KIF26B: variants seen among roughly 807,000 people sequenced by gnomAD.
KIF26B encodes the protein kinesin family member 26B, also known as kinesin-like protein KIF26B.
In KIF26B, 63 loss-of-function variants were observed where a neutral mutation model predicts 151.2. The observed-to-expected ratio is 0.42, with a 90% CI of 0.34 to 0.51. The LOEUF is 0.51. Among genes scored for constraint, KIF26B ranks in the 20% least tolerant of loss-of-function variants. KIF26B has a pLI of 0.07. For synonymous variants in KIF26B, 1,357 were observed against 1,262.1 expected, an observed-to-expected ratio of 1.08 and a Z score of -1.59; for missense variants, 2,813 against 2,913.6, an observed-to-expected ratio of 0.97 and a Z score of 0.79.
At chr1:245,336,418 G>A (rs552479364) in intron 2 of KIF26B, among the ~76,000 whole-genome samples, 2 of 152,350 alleles carry the variant, frequency 1.3e-5, no homozygotes, top group East Asian at 1.9e-4. Context: ...GGGTGCCTCC[G>A]ACTGGCGGCT....
intron 3 of KIF26B, among the ~76,000 whole-genome samples, chr1:245,390,846 G>A (rs1673667371): frequency 7.1e-6 from 1 of 140,828 alleles, no homozygotes; most frequent in Non-Finnish European, 1.5e-5. Context: ...AACCATTTGG[G>A]AGGCTGAGGC....
At chr1:245,256,410 G>A (rs1573736526) in intron 2 of KIF26B, among the ~76,000 whole-genome samples, 1 of 152,194 alleles carries the variant, frequency 6.6e-6, no homozygotes, top group East Asian at 1.9e-4. Flanking sequence ...TCTTCCCTGA[G>A]TCCAACAGCC....
chr1:245,156,895 C>T (rs775042704), intron 2 of KIF26B, among the ~76,000 whole-genome samples: 1 of 152,184 alleles, frequency 6.6e-6, no homozygotes, highest in Non-Finnish European at 1.5e-5. Flanking sequence ...GCAGGAGGAC[C>T]GAGTCCCGAG....
At chr1:245,528,140 C>G (rs906136536) in intron 4 of KIF26B, among the ~76,000 whole-genome samples, 2 of 152,090 alleles carry the variant, frequency 1.3e-5, no homozygotes, top group Non-Finnish European at 2.9e-5. Flanking sequence ...CCCACACTGG[C>G]GCCGAGGCTT....
chr1:245,184,050 G>GTTTGTTTTTTTTTTTTTT (rs1668954964), intron 2 of KIF26B, among the ~76,000 whole-genome samples: 1 of 19,810 alleles, frequency 5.0e-5, no homozygotes, highest in African/African-American at 1.5e-4. Flanking sequence ...GGGAGTTGTT[G>GTTTGTTTTTTTTTTTTTT]TTTTTTTTTT....
At chr1:245,340,991 G>A (rs1332550529) in intron 2 of KIF26B, among the ~76,000 whole-genome samples, 2 of 152,180 alleles carry the variant, frequency 1.3e-5, no homozygotes, top group Non-Finnish European at 2.9e-5. Context: ...TTAGGAGATG[G>A]AATTGACTAG....
Position 245,634,561 on chromosome 1 carries a change from T to C in KIF26B, c.2099-11560T>C, listed in dbSNP as rs184866789. ...AATGACTGAATTTTGGTAAATGCTT[T>C]TTCTGCATCTACTGAAACAATCATA... On this transcript the variant is annotated intron_variant, in intron 9 of 14. Coordinates refer to ENST00000407071, the MANE Select transcript of KIF26B (RefSeq NM_018012.4). 9.8e-5 allele frequency among the ~76,000 whole-genome samples: 15 copies of C among 152,346 alleles called. No homozygotes were observed. In the East Asian group the frequency reaches 2.7e-3, roughly 27 times the overall value.
chr1:245,660,178 A>C lies in KIF26B; in HGVS notation c.2258+13898A>C, dbSNP rs181304542. Among the ~76,000 whole-genome samples the C allele has an allele frequency of 4.8e-5, 6 of 125,432 alleles. No homozygotes were observed. The East Asian group carries it at 1.6e-3, about 32-fold the overall frequency. The allele number at this position is 125,432 out of a possible 152,430, so 82.3% of individuals were successfully genotyped here. ...ACATGTCTAGAATTTGGTGGAAGCAAATAGGTCTTAGAATTTACCCCAAAG... is the reference window on the plus strand; with the variant it reads ...ACATGTCTAGAATTTGGTGGAAGCACATAGGTCTTAGAATTTACCCCAAAG... On this transcript the variant is annotated intron_variant, in intron 10 of 14. Transcript: ENST00000407071.
intron 3 of KIF26B, among the ~76,000 whole-genome samples, chr1:245,369,468 G>C (rs189871441): frequency 6.6e-6 from 1 of 152,360 alleles, no homozygotes; most frequent in African/African-American, 2.4e-5. Context: ...ATTATCCTAA[G>C]ATATTAGCAT....
At position 245,646,143 on chromosome 1, in the gene KIF26B, G is replaced by C. The variant is rs376685011; in HGVS notation, c.2121G>C (p.Leu707=). The change falls in exon 10 of 15, where the codon CTG becomes CTC. Residue 707 remains leucine (L), a synonymous_variant. Coordinates refer to ENST00000407071, the MANE Select transcript of KIF26B (RefSeq NM_018012.4). ...TAGTGTCTGGAGGTCGCAGCCGCCTGCATCTCATTGATCTCGGCAGCTGTG... is the reference window on the plus strand; with the variant it reads ...TAGTGTCTGGAGGTCGCAGCCGCCTCCATCTCATTGATCTCGGCAGCTGTG... ...KGGMSGGRSR[L]HLIDLGSCVK... 68 of 1,613,814 alleles carry C rather than the reference G, an allele frequency of 4.2e-5. No homozygotes were observed. In the East Asian group the frequency reaches 5.8e-4, roughly 14 times the overall value.
rs555028320 is a variant in KIF26B at position 245,292,833 on chromosome 1, A to T, written c.466-74001A>T. ...CTCGCTGGGTCACAGAAGCAATGTC[A>T]TAACAACACAGCTTCCTCCTAATGA... On this transcript the variant is annotated intron_variant, in intron 2 of 14. Transcript: ENST00000407071. Among the ~76,000 whole-genome samples, 3 of 152,248 alleles carry T rather than the reference A, an allele frequency of 2.0e-5. No individual in the cohort carries two copies. The South Asian group carries it at 6.2e-4, about 32-fold the overall frequency.
chr1:245,311,899 C>T (rs903384009), intron 2 of KIF26B, among the ~76,000 whole-genome samples: 2 of 152,218 alleles, frequency 1.3e-5, no homozygotes, highest in Non-Finnish European at 2.9e-5. Flanking sequence ...CATTGCACTG[C>T]AGCCTGGGCG....
intron 2 of KIF26B, among the ~76,000 whole-genome samples, chr1:245,294,879 T>G (rs144462637): frequency 0.039 from 5,940 of 152,262 alleles, 186 homozygotes; most frequent in African/African-American, 0.078. Flanking sequence ...GCCAGGCTGG[T>G]CTCGAACTCC....
At chr1:245,582,801 C>T (rs2043188803) in intron 5 of KIF26B, among the ~76,000 whole-genome samples, 1 of 152,126 alleles carries the variant, frequency 6.6e-6, no homozygotes, top group South Asian at 2.1e-4. Context: ...CAATAATATG[C>T]CCACCTTAGA....
intron 5 of KIF26B, among the ~76,000 whole-genome samples, chr1:245,600,268 G>C (rs926905303): frequency 2.3e-5 from 3 of 132,626 alleles, no homozygotes; most frequent in Non-Finnish European, 1.7e-5. Flanking sequence ...TCTATCTCCT[G>C]ACCTTGTGAT....
chr1:245,429,698 C>G (rs1455841123), intron 4 of KIF26B, among the ~76,000 whole-genome samples: 1 of 152,188 alleles, frequency 6.6e-6, no homozygotes. Flanking sequence ...ACTGCAATCT[C>G]CACCTCCTGG....
chr1:245,507,230 A>C (rs1660743881), intron 4 of KIF26B, among the ~76,000 whole-genome samples: 1 of 152,214 alleles, frequency 6.6e-6, no homozygotes. Context: ...GAAACAGAGC[A>C]GAAGGTTGCA....
intron 9 of KIF26B, among the ~76,000 whole-genome samples, chr1:245,624,574 G>A (rs1370889766): frequency 2.0e-5 from 3 of 152,206 alleles, no homozygotes; most frequent in Non-Finnish European, 4.4e-5. Flanking sequence ...TTGGTGAAAT[G>A]TCCCTTCAAA....
At chr1:245,199,285 A>G (rs1010355988) in intron 2 of KIF26B, among the ~76,000 whole-genome samples, 1 of 151,944 alleles carries the variant, frequency 6.6e-6, no homozygotes, top group Admixed American at 6.6e-5. Context: ...AATACACGCA[A>G]GTGTGCACAT....
Sources: allele counts gnomAD v4.1 joint callset (sites outside exome capture counted in the v4.1 genomes callset), GRCh38; gene constraint gnomAD v4.1.1; transcripts MANE v1.5; gene names NCBI Gene and HGNC (gene_info 2026-07-23, HGNC 2026-07-21).